The following SH3KBP1 variants were observed in gnomAD, a reference collection of about 807,000 sequenced individuals.
SH3KBP1 encodes the protein SH3 domain-containing kinase-binding protein 1.
SH3KBP1 carries 8 observed loss-of-function variants against 50.1 expected under a neutral mutation model. That is an observed-to-expected ratio of 0.16 (90% CI 0.09 to 0.29). The LOEUF (loss-of-function observed/expected upper bound fraction) is 0.29, where lower values mean the gene tolerates loss of function less well. Ranked by LOEUF, SH3KBP1 falls within the 10% of genes least tolerant of loss-of-function variation. SH3KBP1 has a pLI of 1.00. For synonymous variants in SH3KBP1, 227 were observed against 218.6 expected, an observed-to-expected ratio of 1.04 and a Z score of -0.34; for missense variants, 377 against 535.2, an observed-to-expected ratio of 0.70 and a Z score of 2.92.
chrX:19,707,478 AAG>A (rs769578955), intron 3 of SH3KBP1, among the ~76,000 whole-genome samples: 1 of 111,725 alleles, frequency 9.0e-6, no homozygotes, highest in East Asian at 2.8e-4. Context: ...ACGGGAACTC[AAG>A]CCTGATAAGT....
chrX:19,856,193 C>A (rs1043521263), intron 1 of SH3KBP1, among the ~76,000 whole-genome samples: 1 of 111,120 alleles, frequency 9.0e-6, no homozygotes, highest in Admixed American at 9.6e-5. Context: ...TACCTGTAAC[C>A]AAAACAAAAT....
intron 3 of SH3KBP1, among the ~76,000 whole-genome samples, chrX:19,712,423 G>C (rs185574010): frequency 8.9e-6 from 1 of 112,005 alleles, no homozygotes; most frequent in African/African-American, 3.2e-5. Context: ...CAGGTAGCTA[G>C]ACAGCTAGCT....
chrX:19,556,822 C>A (rs2065504596), intron 13 of SH3KBP1, among the ~76,000 whole-genome samples: 1 of 110,391 alleles, frequency 9.1e-6, no homozygotes, highest in Non-Finnish European at 1.9e-5. Flanking sequence ...GCTACCACAC[C>A]CAGTTATTTT....
intron 2 of SH3KBP1, among the ~76,000 whole-genome samples, chrX:19,791,774 G>A (rs2066538964): frequency 1.8e-5 from 2 of 111,533 alleles, no homozygotes; most frequent in African/African-American, 6.5e-5. Flanking sequence ...GCCTGACACA[G>A]TTAAGACTGG....
intron 1 of SH3KBP1, among the ~76,000 whole-genome samples, chrX:19,848,185 A>C (rs1355197200): frequency 8.9e-6 from 1 of 112,304 alleles, no homozygotes; most frequent in Non-Finnish European, 1.9e-5. Flanking sequence ...ACAAAAAGAA[A>C]GCCAGCTACC....
intron 10 of SH3KBP1, among the ~76,000 whole-genome samples, chrX:19,594,670 T>TTTTG (rs779798365): frequency 7.1e-5 from 8 of 111,933 alleles, no homozygotes; most frequent in Admixed American, 9.5e-5. Flanking sequence ...AACTTGTTTT[T>TTTTG]TTTGTTTGTT....
At chrX:19,618,385 CAAAAAAAA>C (rs1169013925) in intron 8 of SH3KBP1, among the ~76,000 whole-genome samples, 1 of 18,217 alleles carries the variant, frequency 5.5e-5, no homozygotes, top group African/African-American at 1.6e-4. Flanking sequence ...GACTCTGTCT[CAAAAAAAA>C]AAAAAAAAAA....
chrX:19,756,889 A>G (rs1274605058), intron 2 of SH3KBP1, among the ~76,000 whole-genome samples: 1 of 104,582 alleles, frequency 9.6e-6, no homozygotes, highest in Non-Finnish European at 2.0e-5. Context: ...AAAAAAAAAA[A>G]GCCTAACGTA....
At position 19,652,242 on chromosome X, in the gene SH3KBP1, C is replaced by T. The variant is rs1157516498; in HGVS notation, c.727-6767G>A. Reference sequence around the variant, plus strand: ...CTTCCGGGGCCTCGGTTGCCCTTGCCTTGCTTCCTCTTGTCCACCCCACCT... The same window carrying T: ...CTTCCGGGGCCTCGGTTGCCCTTGCTTTGCTTCCTCTTGTCCACCCCACCT... On this transcript the variant is annotated intron_variant, in intron 6 of 17. Transcript: ENST00000397821. Among the ~76,000 whole-genome samples the T allele has an allele frequency of 2.7e-5, 3 of 111,417 alleles. No individual in the cohort carries two copies. In the East Asian group the frequency reaches 8.4e-4, roughly 31 times the overall value.
At chrX:19,693,118 G>A (rs1347447248) in intron 5 of SH3KBP1, among the ~76,000 whole-genome samples, 1 of 111,953 alleles carries the variant, frequency 8.9e-6, no homozygotes, top group Non-Finnish European at 1.9e-5. Context: ...CCATGGGACT[G>A]GCCTCTTTGT....
chrX:19,681,678 T>C (rs2063056475), intron 6 of SH3KBP1, among the ~76,000 whole-genome samples: 1 of 110,404 alleles, frequency 9.1e-6, no homozygotes, highest in Non-Finnish European at 1.9e-5. Context: ...AGGAGACCAT[T>C]GCAGCAAATG....
chrX:19,866,352 C>T (rs1244519288), intron 1 of SH3KBP1, among the ~76,000 whole-genome samples: 5 of 111,584 alleles, frequency 4.5e-5, no homozygotes, highest in African/African-American at 6.5e-5. Context: ...ACAGGGCACG[C>T]GCTTTACAAG....
chrX:19,810,679 G>C (rs1487505128), intron 2 of SH3KBP1, among the ~76,000 whole-genome samples: 2 of 112,225 alleles, frequency 1.8e-5, no homozygotes, highest in Non-Finnish European at 3.8e-5. Flanking sequence ...CAGCGCCCTA[G>C]ACTTGATTGT....
At chrX:19,614,450 A>G (rs1385074542) in intron 8 of SH3KBP1, among the ~76,000 whole-genome samples, 1 of 112,257 alleles carries the variant, frequency 8.9e-6, no homozygotes, top group Non-Finnish European at 1.9e-5. Flanking sequence ...TTTTGTCAAG[A>G]GTACAAAGCC....
chrX:19,759,956 A>AGGG (rs758763944), intron 2 of SH3KBP1, among the ~76,000 whole-genome samples: 1 of 109,343 alleles, frequency 9.1e-6, no homozygotes, highest in East Asian at 2.9e-4. Flanking sequence ...AATCATAGGC[A>AGGG]GGGCATTTTA....
chrX:19,739,359 G>A (rs1366391198), intron 3 of SH3KBP1, among the ~76,000 whole-genome samples: 1 of 111,745 alleles, frequency 8.9e-6, no homozygotes, highest in Non-Finnish European at 1.9e-5. Flanking sequence ...TTTTACTTTC[G>A]CCACCTGCTG....
intron 4 of SH3KBP1, among the ~76,000 whole-genome samples, chrX:19,705,261 T>C (rs1458130414): frequency 8.9e-6 from 1 of 112,470 alleles, no homozygotes; most frequent in Non-Finnish European, 1.9e-5. Flanking sequence ...TATTTTCACA[T>C]ACTACATATA....
intron 3 of SH3KBP1, among the ~76,000 whole-genome samples, chrX:19,730,137 T>G (rs1209040107): frequency 8.9e-6 from 1 of 111,900 alleles, no homozygotes; most frequent in Non-Finnish European, 1.9e-5. Flanking sequence ...ATCAAAGAGC[T>G]GCTTTAAAGC....
At chrX:19,761,868 C>A (rs919590108) in intron 2 of SH3KBP1, among the ~76,000 whole-genome samples, 1 of 112,707 alleles carries the variant, frequency 8.9e-6, no homozygotes, top group Middle Eastern at 4.6e-3. Context: ...CACAAATGGA[C>A]TCTTACTATG....
Sources: gnomAD v4.1 joint callset for allele counts (sites outside exome capture counted in the v4.1 genomes callset) on GRCh38, gnomAD v4.1.1 for gene constraint, MANE v1.5 for transcripts, NCBI Gene and HGNC (gene_info 2026-07-23, HGNC 2026-07-21) for gene names.